The following RGS20 variants were observed in gnomAD, a reference collection of about 807,000 sequenced individuals.
RGS20 encodes regulator of G protein signaling 20, also known as gz-selective GTPase-activating protein.
A neutral mutation model predicts 33.6 loss-of-function variants in RGS20; 30 were observed. The ratio of observed to expected loss-of-function variants is 0.89; its 90% CI spans 0.67 to 1.21. RGS20 has a LOEUF of 1.21. RGS20 is among the 50% of genes most tolerant of loss of function. The probability of loss-of-function intolerance (pLI) is 0.00; values close to 1 mark genes in which losing one functional copy is unlikely to be tolerated. For missense variants in RGS20, 472 were observed against 502.4 expected (o/e 0.94, Z 0.58); for synonymous variants, 208 against 197.9 (o/e 1.05, Z -0.43).
intron 2 of RGS20, among the ~76,000 whole-genome samples, chr8:53,891,054 G>A (rs1380329308): frequency 1.3e-5 from 2 of 152,098 alleles, no homozygotes; most frequent in Admixed American, 6.5e-5. Context: ...TAAATGTCTT[G>A]TAGGACCCAG....
intron 1 of RGS20, among the ~76,000 whole-genome samples, chr8:53,859,809 G>T (rs1811769546): frequency 6.6e-6 from 1 of 152,232 alleles, no homozygotes; most frequent in Admixed American, 6.5e-5. Context: ...AAGAAAGCGT[G>T]TGCAGGGGGA....
intron 5 of RGS20, among the ~76,000 whole-genome samples, chr8:53,955,716 A>T (rs1021824060): frequency 6.6e-6 from 1 of 152,196 alleles, no homozygotes. Context: ...CTGTAATCCC[A>T]GCTACTCAGG....
chr8:53,932,506 C>T (rs1814001590), intron 2 of RGS20, among the ~76,000 whole-genome samples: 1 of 152,154 alleles, frequency 6.6e-6, no homozygotes. Context: ...GTAAACAAAG[C>T]CACCAGGAAG....
intron 2 of RGS20, chr8:53,880,944 G>T: frequency 6.4e-7 from 1 of 1,562,638 alleles, no homozygotes; most frequent in Non-Finnish European, 8.6e-7. Flanking sequence ...GGCGAAAGGC[G>T]CGGTGAGCAA....
At chr8:53,862,697 G>C (rs901232193) in intron 1 of RGS20, among the ~76,000 whole-genome samples, 1 of 152,142 alleles carries the variant, frequency 6.6e-6, no homozygotes, top group Non-Finnish European at 1.5e-5. Context: ...TACTCAGGAG[G>C]CTGAGGCATG....
chr8:53,907,917 G>A (rs1027893128), intron 2 of RGS20, among the ~76,000 whole-genome samples: 5 of 152,106 alleles, frequency 3.3e-5, no homozygotes, highest in East Asian at 1.9e-4. Context: ...TAGGAGGTAC[G>A]GTCACCCTGA....
At chr8:53,875,114 G>GT in intron 1 of RGS20, among the ~76,000 whole-genome samples, 1 of 152,288 alleles carries the variant, frequency 6.6e-6, no homozygotes, top group Middle Eastern at 3.4e-3. Flanking sequence ...CAAGGGTTCA[G>GT]TTTTTTATGT....
intron 2 of RGS20, among the ~76,000 whole-genome samples, chr8:53,920,793 C>T (rs1813620611): frequency 6.6e-6 from 1 of 152,174 alleles, no homozygotes; most frequent in Admixed American, 6.5e-5. Flanking sequence ...CAGTCTCACT[C>T]TGTTGCCCGG....
intron 4 of RGS20, among the ~76,000 whole-genome samples, chr8:53,952,891 G>A (rs962778335): frequency 6.6e-6 from 1 of 152,098 alleles, no homozygotes; most frequent in African/African-American, 2.4e-5. Context: ...AACTCAAAGG[G>A]GTAAGCCCAA....
Position 53,948,341 on chromosome 8 carries a change from A to G in RGS20, c.743+1593A>G, listed in dbSNP as rs547163246. ...ACATATGCTATATATAAGACAGTAT[A>G]TATTTATATATGCTATATATAAGAC... On this transcript the variant is annotated intron_variant, in intron 4 of 5. Coordinates refer to ENST00000297313, the MANE Select transcript of RGS20 (RefSeq NM_170587.4). Among the ~76,000 whole-genome samples, 123 of 141,192 alleles carry G rather than the reference A, an allele frequency of 8.7e-4. 2 individuals are homozygous for G. In the South Asian group the frequency reaches 0.016, roughly 19 times the overall value. The allele number at this position is 141,192 out of a possible 152,430, so 92.6% of individuals were successfully genotyped here.
rs559952447 is a variant in RGS20, at chr8:53,854,472, G to T, written c.165+2408G>T. Among the ~76,000 whole-genome samples, 3 of 152,120 alleles carry T rather than the reference G, an allele frequency of 2.0e-5. No individual in the cohort carries two copies. The East Asian group carries it at 5.8e-4, about 29-fold the overall frequency. ...CAGATGGCAAATAAATACATGAAAA[G>T]ATAGTCAACATTGTTAGCCACTAGG... On this transcript the variant is annotated intron_variant, in intron 1 of 5. Coordinates refer to ENST00000297313, the MANE Select transcript of RGS20 (RefSeq NM_170587.4).
chr8:53,853,184 A>G (rs1335495737), intron 1 of RGS20, among the ~76,000 whole-genome samples: 1 of 152,212 alleles, frequency 6.6e-6, no homozygotes, highest in Non-Finnish European at 1.5e-5. Flanking sequence ...TGTGGAGGCT[A>G]CTTTGAGGAA....
chr8:53,880,927 G>T, intron 2 of RGS20: 1 of 1,549,930 alleles, frequency 6.5e-7, no homozygotes, highest in South Asian at 1.2e-5. Context: ...ACCGAGAGCC[G>T]GAGAAAGGCG....
chr8:53,895,503 C>T (rs542349419), intron 2 of RGS20, among the ~76,000 whole-genome samples: 8 of 152,236 alleles, frequency 5.3e-5, no homozygotes, highest in Middle Eastern at 3.4e-3. Flanking sequence ...TTAGAATCTG[C>T]GCTTCCTTTT....
chr8:53,881,064 G>C (rs756929720), intron 2 of RGS20: 66 of 1,524,774 alleles, frequency 4.3e-5, no homozygotes, highest in Middle Eastern at 2.1e-4. Context: ...CTCCCCGGCC[G>C]GCAGGGTGGA....
chr8:53,889,771 TCTC>T lies in RGS20; in HGVS notation c.510+10170_510+10172del, dbSNP rs144959697. On this transcript the variant is annotated intron_variant, in intron 2 of 5. Transcript: ENST00000297313. ...TGTGTGTGTGTGCACGTGCTGCAAA[TCTC>T]TTCTTCCAGTCTGGCCTGCCTTTAC... 3.3e-3 allele frequency among the ~76,000 whole-genome samples: 499 copies of T among 151,652 alleles called. 6 individuals carry two copies. Among genetic ancestry groups the T allele is most frequent in the African/African-American group, 0.012 (474 of 41,152 alleles).
chr8:53,897,855 C>G (rs1033680757), intron 2 of RGS20, among the ~76,000 whole-genome samples: 8 of 152,204 alleles, frequency 5.3e-5, no homozygotes, highest in African/African-American at 1.9e-4. Context: ...AAAATTGGCT[C>G]GCTTTTAGTT....
Position 53,959,225 on chromosome 8 carries a change from A to T in RGS20, c.*767A>T, listed in dbSNP as rs1814966553. 6.6e-6 allele frequency: 1 copy of T among 152,360 alleles called. No individual in the cohort carries two copies. The highest frequency in any genetic ancestry group is 3.4e-3 in the Middle Eastern group (1 of 294). The allele number at this position is 152,360 out of a possible 1,614,324, so 9.4% of individuals were successfully genotyped here. A position where few individuals can be genotyped will look rare whatever the true frequency, so the allele number is the denominator to read the frequency against. On this transcript the variant is annotated 3_prime_UTR_variant, in exon 6 of 6. Coordinates refer to ENST00000297313, the MANE Select transcript of RGS20 (RefSeq NM_170587.4). ...TTCACAACAAAACTGTCAAATAAGC[A>T]TATTTCCATTTTTATTACTGAAAGA... is the stretch of plus-strand genomic sequence containing the variant.
At position 53,879,384 on chromosome 8, in the gene RGS20, C is replaced by G; in HGVS notation, c.292C>G (p.Pro98Ala). ...TCTCCGGCGACCCCCTCCCGAGGCT[C>G]CCCGGAGGCGCCTGGACTTCTCCCC... Residue 98 changes from proline to alanine, a missense_variant, in exon 2 of 6, where the codon CCC (proline) becomes GCC (alanine). This residue lies in a region of RGS20 where 319 missense variants were observed against 283.4 expected (regional missense o/e 1.13). Transcript: ENST00000297313. The G allele has an allele frequency of 6.2e-7, 1 of 1,611,372 alleles. No individual in the cohort carries two copies. The highest frequency in any genetic ancestry group is 8.5e-7 in the Non-Finnish European group (1 of 1,179,806).
Sources: allele counts gnomAD v4.1 joint callset (sites outside exome capture counted in the v4.1 genomes callset), GRCh38; gene constraint gnomAD v4.1.1; regional missense constraint gnomAD v4.1.1; transcripts MANE v1.5; gene names NCBI Gene and HGNC (gene_info 2026-07-23, HGNC 2026-07-21).